Variants in FILIP1 observed in about 807,000 individuals in gnomAD.
FILIP1 encodes the protein filamin-A-interacting protein 1.
In FILIP1, 61 loss-of-function variants were observed where a neutral mutation model predicts 102.1. The ratio of observed to expected loss-of-function variants is 0.60; its 90% CI spans 0.49 to 0.74. The LOEUF is 0.74. Among genes scored for constraint, FILIP1 ranks in the 30% least tolerant of loss-of-function variants. The pLI, the probability that FILIP1 is intolerant of heterozygous loss-of-function variation, is 0.00. For synonymous variants in FILIP1, 491 were observed against 526.9 expected, an observed-to-expected ratio of 0.93 and a Z score of 0.93; for missense variants, 1,314 against 1,441.2, an observed-to-expected ratio of 0.91 and a Z score of 1.43.
At position 75,353,599 on chromosome 6, in the gene FILIP1, T is replaced by C; in HGVS notation, c.569A>G (p.His190Arg). Residue 190 changes from histidine (H) to arginine (R), a missense_variant, in exon 4 of 6, where the codon CAC (histidine) becomes CGC (arginine). His to Arg is a conservative substitution (Grantham distance 29). Transcript: ENST00000237172. Reference sequence around the variant, plus strand: ...GTCGCTCTTGTTCATGTAGTCAGTGTGTTTATGCTTCTCGTTCTCTAACTC... The same window carrying C: ...GTCGCTCTTGTTCATGTAGTCAGTGCGTTTATGCTTCTCGTTCTCTAACTC... ...VYELENEKHK[H>R]TDYMNKSDDF... 6.2e-7 allele frequency: 1 copy of C among 1,614,208 alleles called. No homozygotes were observed.
chr6:75,315,879 T>G (rs888358785), intron 4 of FILIP1, among the ~76,000 whole-genome samples: 1 of 152,236 alleles, frequency 6.6e-6, no homozygotes, highest in Non-Finnish European at 1.5e-5. Flanking sequence ...GTTTTCTTAT[T>G]TTAAACCCTT....
At chr6:75,425,648 C>A (rs988363144) in intron 1 of FILIP1, among the ~76,000 whole-genome samples, 1 of 152,096 alleles carries the variant, frequency 6.6e-6, no homozygotes, top group South Asian at 2.1e-4. Context: ...AGCTGCATCC[C>A]TAACCCCACA....
intron 1 of FILIP1, among the ~76,000 whole-genome samples, chr6:75,450,014 C>A (rs1049783416): frequency 1.3e-5 from 2 of 152,094 alleles, no homozygotes; most frequent in African/African-American, 4.8e-5. Context: ...GCTTACTGTA[C>A]GGCAGCTTTT....
Position 75,312,770 on chromosome 6 carries a change from A to G in FILIP1, c.3062T>C (p.Ile1021Thr). ...TTCCTGGGATTCGGGAGAAACTGCA[A>G]TCTCAGCTGGTGCTGCTGATGTAGA... Reference protein sequence around the residue: ...TVSTSAAPAEIAVSPESQEMP... With the variant: ...TVSTSAAPAETAVSPESQEMP... The change falls in exon 5 of 6, where the codon ATT becomes ACT. Residue 1021 changes from isoleucine (I) to threonine (T), a missense_variant. Transcript: ENST00000237172. The G allele has an allele frequency of 6.2e-7, 1 of 1,614,194 alleles. No individual in the cohort carries two copies. The highest frequency in any genetic ancestry group is 1.6e-4 in the Middle Eastern group (1 of 6,062).
At chr6:75,484,376 A>G (rs773500932) in intron 1 of FILIP1, among the ~76,000 whole-genome samples, 20 of 151,824 alleles carry the variant, frequency 1.3e-4, no homozygotes, top group Non-Finnish European at 2.9e-4. Context: ...ATGAGGTGGC[A>G]CTCATCATTT....
chr6:75,384,905 G>C (rs2808193), intron 2 of FILIP1: 8,290 of 146,498 alleles, frequency 0.057, 663 homozygotes, highest in African/African-American at 0.17. Context: ...ATTGATCCCC[G>C]CGCCTCAGCC....
At chr6:75,358,181 A>G (rs760142683) in intron 3 of FILIP1, 8 of 152,224 alleles carry the variant, frequency 5.3e-5, no homozygotes, top group Non-Finnish European at 1.0e-4. Flanking sequence ...TATGTTTTAG[A>G]TAAAAAGGCA....
chr6:75,297,317 A>G (rs530756459), intron 6 of FILIP1, among the ~76,000 whole-genome samples: 144 of 152,308 alleles, frequency 9.5e-4, no homozygotes, highest in African/African-American at 3.4e-3. Flanking sequence ...CACACAGTGC[A>G]TGATTACCTG....
chr6:75,443,152 T>C (rs1029979324), intron 1 of FILIP1, among the ~76,000 whole-genome samples: 1 of 152,176 alleles, frequency 6.6e-6, no homozygotes, highest in Non-Finnish European at 1.5e-5. Flanking sequence ...TCCTGGAACA[T>C]CTATTAAACA....
chr6:75,416,979 GTTCT>G (rs1303673507), intron 1 of FILIP1, among the ~76,000 whole-genome samples: 1 of 151,868 alleles, frequency 6.6e-6, no homozygotes, highest in African/African-American at 2.4e-5. Flanking sequence ...TTTTATATTA[GTTCT>G]TTCTAAAAAT....
intron 1 of FILIP1, among the ~76,000 whole-genome samples, chr6:75,482,387 T>C (rs1400024533): frequency 6.6e-6 from 1 of 152,228 alleles, no homozygotes; most frequent in Non-Finnish European, 1.5e-5. Flanking sequence ...GCTGTTGCTT[T>C]ACCACTTGTA....
intron 1 of FILIP1, among the ~76,000 whole-genome samples, chr6:75,417,454 T>C (rs145607859): frequency 8.1e-4 from 124 of 152,292 alleles, no homozygotes; most frequent in African/African-American, 2.8e-3. Flanking sequence ...CTCAAAAGAA[T>C]AACTAAGTCT....
At chr6:75,474,519 A>C (rs920990839) in intron 1 of FILIP1, among the ~76,000 whole-genome samples, 1 of 152,218 alleles carries the variant, frequency 6.6e-6, no homozygotes, top group African/African-American at 2.4e-5. Context: ...CTTGAAGAAC[A>C]GTCAGTGTAT....
Position 75,314,885 on chromosome 6 carries a change from T to G in FILIP1, c.947A>C (p.Glu316Ala). Residue 316 changes from glutamate (E) to alanine (A), a missense_variant, in exon 5 of 6, where the codon GAG (glutamate) becomes GCG (alanine). Glu to Ala is a moderately radical substitution (Grantham distance 107, BLOSUM62 -1). Transcript: ENST00000237172. ...KASRFSQEHE[E>A]MNAKLANQES... is the part of the protein sequence containing the mutation. ...TTGATTAGCCAGTTTAGCGTTCATCTCTTCATGCTCTTGAGAAAACCTCGA... is the reference window on the plus strand; with the variant it reads ...TTGATTAGCCAGTTTAGCGTTCATCGCTTCATGCTCTTGAGAAAACCTCGA... 2 of 1,614,136 alleles carry G rather than the reference T, an allele frequency of 1.2e-6. No individual in the cohort carries two copies. The highest frequency in any genetic ancestry group is 1.1e-5 in the South Asian group (1 of 91,086).
At chr6:75,299,770 A>G (rs978792270) in intron 6 of FILIP1, among the ~76,000 whole-genome samples, 5 of 152,208 alleles carry the variant, frequency 3.3e-5, no homozygotes, top group African/African-American at 1.2e-4. Flanking sequence ...GCTATTGGAT[A>G]ACTTCCTGGA....
At chr6:75,365,821 C>A (rs1218478289) in intron 2 of FILIP1, among the ~76,000 whole-genome samples, 24 of 152,108 alleles carry the variant, frequency 1.6e-4, no homozygotes, top group Admixed American at 1.6e-3. Context: ...AATACTTCAT[C>A]ATTCCTTATT....
intron 2 of FILIP1, among the ~76,000 whole-genome samples, chr6:75,397,542 A>AT (rs1776505783): frequency 2.5e-4 from 3 of 11,802 alleles, no homozygotes; most frequent in Non-Finnish European, 5.3e-4. Flanking sequence ...TATAAGACAC[A>AT]CACACACACA....
intron 1 of FILIP1, among the ~76,000 whole-genome samples, chr6:75,480,361 G>T (rs529850026): frequency 6.8e-6 from 1 of 146,248 alleles, no homozygotes; most frequent in African/African-American, 2.5e-5. Context: ...GATATGAACT[G>T]ATTCTGATAC....
At chr6:75,339,653 T>C (rs1394558619) in intron 4 of FILIP1, among the ~76,000 whole-genome samples, 1 of 152,158 alleles carries the variant, frequency 6.6e-6, no homozygotes, top group African/African-American at 2.4e-5. Context: ...TTTCAAGATA[T>C]AAAGTGTGGG....
Sources: gnomAD v4.1 joint callset for allele counts (sites outside exome capture counted in the v4.1 genomes callset) on GRCh38, gnomAD v4.1.1 for gene constraint, MANE v1.5 for transcripts, NCBI Gene and HGNC (gene_info 2026-07-23, HGNC 2026-07-21) for gene names.